Variants in ANKRD28 observed in about 807,000 individuals in gnomAD.
ANKRD28 encodes ankyrin repeat domain 28.
Under a neutral mutation model 126.5 loss-of-function variants are expected in ANKRD28, and 44 were observed. The ratio of observed to expected loss-of-function variants is 0.35; its 90% CI spans 0.27 to 0.45. The LOEUF (loss-of-function observed/expected upper bound fraction) is 0.45, where lower values mean the gene tolerates loss of function less well. ANKRD28 is among the 20% of genes least tolerant of loss of function. ANKRD28 has a pLI of 1.00. For missense variants in ANKRD28, 1,110 were observed against 1,316.6 expected (o/e 0.84, Z 2.43); for synonymous variants, 442 against 468.5 (o/e 0.94, Z 0.73).
At chr3:15,844,271 G>A (rs1387182920) in intron 1 of ANKRD28, among the ~76,000 whole-genome samples, 1 of 152,090 alleles carries the variant, frequency 6.6e-6, no homozygotes, top group East Asian at 1.9e-4. Flanking sequence ...CCATACTTCA[G>A]AAAACACTAT....
intron 4 of ANKRD28, 23 bp downstream of exon 4, chr3:15,751,727 A>G: frequency 2.0e-6 from 3 of 1,486,826 alleles, no homozygotes; most frequent in South Asian, 2.5e-5. Flanking sequence ...TATAAAACAT[A>G]TTTACTAAGA....
chr3:15,749,093 A>ATTTTTTTTTTTT (rs1559466121), intron 4 of ANKRD28, among the ~76,000 whole-genome samples: 4 of 57,798 alleles, frequency 6.9e-5, no homozygotes, highest in East Asian at 1.4e-3. Flanking sequence ...ATTCTATATT[A>ATTTTTTTTTTTT]TGTTTTTGTT....
chr3:15,748,130 A>T (rs543122709), intron 4 of ANKRD28, among the ~76,000 whole-genome samples: 20 of 152,290 alleles, frequency 1.3e-4, no homozygotes, highest in African/African-American at 4.8e-4. Context: ...TTGGTTGGTG[A>T]ATTCTTATCC....
chr3:15,820,475 A>G (rs1409931041), intron 1 of ANKRD28, among the ~76,000 whole-genome samples: 1 of 152,216 alleles, frequency 6.6e-6, no homozygotes, highest in Non-Finnish European at 1.5e-5. Context: ...CAAATGACAC[A>G]AGTTCTTCAA....
intron 6 of ANKRD28, among the ~76,000 whole-genome samples, chr3:15,728,043 A>C (rs1356401646): frequency 1.3e-5 from 2 of 152,204 alleles, no homozygotes; most frequent in African/African-American, 2.4e-5. Flanking sequence ...TCTTTGTCTC[A>C]TTTCAAGGAA....
At chr3:15,775,082 G>T (rs942700477) in intron 2 of ANKRD28, among the ~76,000 whole-genome samples, 5 of 141,908 alleles carry the variant, frequency 3.5e-5, no homozygotes, top group Admixed American at 3.5e-4. Flanking sequence ...TCACCATGTT[G>T]GCCAGGCTGG....
chr3:15,734,848 G>A (rs1308990623), intron 6 of ANKRD28, among the ~76,000 whole-genome samples: 1 of 152,152 alleles, frequency 6.6e-6, no homozygotes, highest in African/African-American at 2.4e-5. Flanking sequence ...CATAGGTTTT[G>A]GGTGGTCTAC....
intron 2 of ANKRD28, among the ~76,000 whole-genome samples, chr3:15,794,691 C>G (rs990956368): frequency 6.6e-6 from 1 of 152,148 alleles, no homozygotes; most frequent in Non-Finnish European, 1.5e-5. Context: ...ACTTTTCCAA[C>G]AATGACTTTA....
Position 15,735,259 on chromosome 3 carries a change from T to C in ANKRD28, c.640+151A>G, listed in dbSNP as rs1030567652. On this transcript the variant is annotated intron_variant, in intron 6 of 27. Coordinates refer to ENST00000683139, the MANE Select transcript of ANKRD28 (RefSeq NM_001349278.2). ...CCCAGTGTACTCCAAACCTCCCCCATTACCAGGGTTGTTCTACCTGGGCAT... is the reference window on the plus strand; with the variant it reads ...CCCAGTGTACTCCAAACCTCCCCCACTACCAGGGTTGTTCTACCTGGGCAT... 5 of 550,344 alleles carry C rather than the reference T, an allele frequency of 9.1e-6. No individual in the cohort carries two copies. The African/African-American group carries it at 9.7e-5, about 11-fold the overall frequency. 34.1% of individuals were successfully genotyped at this position (550,344 alleles called of 1,614,324 possible). A position where few individuals can be genotyped will look rare whatever the true frequency, so the allele number is the denominator to read the frequency against.
chr3:15,753,278 A>G (rs1191158726), intron 3 of ANKRD28, among the ~76,000 whole-genome samples: 1 of 152,280 alleles, frequency 6.6e-6, no homozygotes, highest in African/African-American at 2.4e-5. Flanking sequence ...AAACTGCCTA[A>G]TCACAGTAAT....
rs2061464629 is a variant in ANKRD28, at chr3:15,843,480, CAGG to C, written c.27+15894_27+15896del. On this transcript the variant is annotated intron_variant, in intron 1 of 27. Transcript: ENST00000399451. This position sits in a 1 kb window ranked among gnomAD's most constrained non-coding sequence, Gnocchi z 5.2. ...ACCAATATACAACAATATGTAGTGG[CAGG>C]AGGAGAAGTACAAAAAAAATGAAAA... Among the ~76,000 whole-genome samples the C allele has an allele frequency of 6.6e-6, 1 of 151,588 alleles. No individual in the cohort carries two copies. The highest frequency in any genetic ancestry group is 2.1e-4 in the South Asian group (1 of 4,808).
intron 4 of ANKRD28, among the ~76,000 whole-genome samples, chr3:15,748,377 C>T (rs751980977): frequency 5.9e-5 from 9 of 152,116 alleles, no homozygotes; most frequent in Non-Finnish European, 1.2e-4. Flanking sequence ...GTTCTTGTAG[C>T]GCTGGCTTGG....
In ANKRD28 at chr3:15,677,559, A is replaced by G. The variant is rs756116905; in HGVS notation, c.2711T>C (p.Met904Thr). The G allele has an allele frequency of 1.2e-6, 2 of 1,609,858 alleles. No individual in the cohort carries two copies. The highest frequency in any genetic ancestry group is 1.7e-6 in the Non-Finnish European group (2 of 1,177,004). ...AENGQTNTVE[M>T]LVSSASAELT... Reference sequence around the variant, plus strand: ...TTCTGCACTAGCACTGCTAACCAGCATCTCTGGGAGGAAAAAGTGCATCAA... The same window carrying G: ...TTCTGCACTAGCACTGCTAACCAGCGTCTCTGGGAGGAAAAAGTGCATCAA... The change falls in exon 25 of 28, where the codon ATG (methionine) becomes ACG (threonine). Residue 904 changes from methionine to threonine, a missense_variant. Met to Thr is a moderately conservative substitution (Grantham distance 81, BLOSUM62 -1). Coordinates refer to ENST00000683139, the MANE Select transcript of ANKRD28 (RefSeq NM_001349278.2).
chr3:15,704,173 A>G (rs1380659126), intron 14 of ANKRD28, among the ~76,000 whole-genome samples: 1 of 152,152 alleles, frequency 6.6e-6, no homozygotes, highest in Non-Finnish European at 1.5e-5. Context: ...TAGCAGCCAT[A>G]TATTTGTTTG....
At chr3:15,671,767 T>C (rs1191815676) in intron 27 of ANKRD28, among the ~76,000 whole-genome samples, 1 of 151,962 alleles carries the variant, frequency 6.6e-6, no homozygotes, top group Non-Finnish European at 1.5e-5. Context: ...ATATTTTTAG[T>C]AGAGATGGGA....
chr3:15,782,131 T>C (rs2059568045), intron 2 of ANKRD28, among the ~76,000 whole-genome samples: 1 of 152,112 alleles, frequency 6.6e-6, no homozygotes, highest in South Asian at 2.1e-4. Flanking sequence ...ATTTTTCATA[T>C]ACCTACATAC....
chr3:15,780,345 A>C (rs1445988562), intron 2 of ANKRD28, among the ~76,000 whole-genome samples: 2 of 152,302 alleles, frequency 1.3e-5, no homozygotes, highest in East Asian at 3.8e-4. Flanking sequence ...TAACATATTT[A>C]GGTGAAAATT....
intron 5 of ANKRD28, 92 bp downstream of exon 5, chr3:15,736,941 T>C (rs752091796): frequency 5.7e-5 from 72 of 1,263,106 alleles, no homozygotes; most frequent in Middle Eastern, 1.9e-4. Flanking sequence ...AATAGTTCTG[T>C]ATGCCTTTAC....
chr3:15,718,265 C>T (rs1465288055), intron 8 of ANKRD28, among the ~76,000 whole-genome samples: 1 of 152,190 alleles, frequency 6.6e-6, no homozygotes, highest in Non-Finnish European at 1.5e-5. Context: ...AATGAGATGT[C>T]ATACACCCTT....
Sources: allele counts gnomAD v4.1 joint callset (sites outside exome capture counted in the v4.1 genomes callset), GRCh38; gene constraint gnomAD v4.1.1; non-coding constraint Gnocchi (gnomAD v3.1); transcripts MANE v1.5; gene names NCBI Gene and HGNC (gene_info 2026-07-23, HGNC 2026-07-21).